ATRN: variants seen among roughly 807,000 people sequenced by gnomAD.
The protein encoded by ATRN is attractin-2.
A neutral mutation model predicts 178.7 loss-of-function variants in ATRN; 54 were observed. That is an observed-to-expected ratio of 0.30 (90% CI 0.24 to 0.38). The LOEUF is 0.38. ATRN is among the 10% of genes least tolerant of loss of function. The probability of loss-of-function intolerance (pLI) is 1.00; values close to 1 mark genes in which losing one functional copy is unlikely to be tolerated. For missense variants in ATRN, 1,443 were observed against 1,815.1 expected (o/e 0.79, Z 3.73); for synonymous variants, 636 against 663.0 (o/e 0.96, Z 0.63).
At chr20:3,567,291 C>T (rs2086050186) in intron 11 of ATRN, among the ~76,000 whole-genome samples, 1 of 152,144 alleles carries the variant, frequency 6.6e-6, no homozygotes, top group Non-Finnish European at 1.5e-5. Flanking sequence ...TCCTAGTTCT[C>T]CTAGCACAGG....
At chr20:3,528,675 C>T (rs1162833652) in intron 1 of ATRN, among the ~76,000 whole-genome samples, 1 of 151,946 alleles carries the variant, frequency 6.6e-6, no homozygotes, top group Non-Finnish European at 1.5e-5. Flanking sequence ...ATCTGTACAT[C>T]AAACCCCTGT....
chr20:3,605,080 G>A (rs772997555), intron 24 of ATRN, among the ~76,000 whole-genome samples: 2 of 152,166 alleles, frequency 1.3e-5, no homozygotes, highest in South Asian at 2.1e-4. Context: ...GTCACTGGAC[G>A]GAGGCTGTTG....
At chr20:3,582,923 G>A (rs546779460) in intron 16 of ATRN, among the ~76,000 whole-genome samples, 32 of 152,236 alleles carry the variant, frequency 2.1e-4, no homozygotes, top group African/African-American at 7.5e-4. Flanking sequence ...GCTACATTTT[G>A]GCTAACTAAA....
In ATRN at chr20:3,647,109, AGGCC is replaced by A. The variant is rs2087113578; in HGVS notation, c.*263_*266del. 3.0e-6 allele frequency: 1 copy of A among 338,278 alleles called. No individual in the cohort carries two copies. Among genetic ancestry groups the A allele is most frequent in the African/African-American group, 2.1e-5 (1 of 47,476 alleles). 21.0% of individuals were successfully genotyped at this position (338,278 alleles called of 1,614,324 possible). A position where few individuals can be genotyped will look rare whatever the true frequency, so the allele number is the denominator to read the frequency against. The stretch of plus-strand genomic sequence containing the variant: ...GGGATGAGCTGATGGTTGCTGGAGG[AGGCC>A]AGTGTAGAGCCAGTGAGAGAACTAG... On this transcript the variant is annotated 3_prime_UTR_variant, in exon 29 of 29. Coordinates refer to ENST00000262919, the MANE Select transcript of ATRN (RefSeq NM_139321.3).
At position 3,624,648 on chromosome 20, in the gene ATRN, A is replaced by C; in HGVS notation, c.3863+76A>C. 20 of 1,163,376 alleles carry C rather than the reference A, an allele frequency of 1.7e-5. No individual in the cohort carries two copies. In the South Asian group the frequency reaches 2.4e-4, roughly 14 times the overall value. 72.1% of individuals were successfully genotyped at this position (1,163,376 alleles called of 1,614,324 possible). On this transcript the variant is annotated intron_variant, in intron 25 of 28. Coordinates refer to ENST00000262919, the MANE Select transcript of ATRN (RefSeq NM_139321.3). ...TCCATTAATAGAGTATCAGCTCCTAAAAGATAAAAAGAATAATCCTGTGTT... is the reference window on the plus strand; with the variant it reads ...TCCATTAATAGAGTATCAGCTCCTACAAGATAAAAAGAATAATCCTGTGTT...
chr20:3,527,798 T>C (rs898298780), intron 1 of ATRN, among the ~76,000 whole-genome samples: 3 of 152,032 alleles, frequency 2.0e-5, no homozygotes, highest in Admixed American at 6.6e-5. Context: ...GAAACCACCA[T>C]TCTCAGCAAA....
rs182661433 is a variant in ATRN, at chr20:3,523,981, A to G, written c.411-11272A>G. 7.1e-4 allele frequency among the ~76,000 whole-genome samples: 108 copies of G among 152,362 alleles called. No individual in the cohort carries two copies. The East Asian group carries it at 0.015, about 21-fold the overall frequency. ...AAAAACATACCAAATTGTAAAGACC[A>G]TTGACACTATGAAGAAACTGCATCA... On this transcript the variant is annotated intron_variant, in intron 1 of 28. Coordinates refer to ENST00000262919, the MANE Select transcript of ATRN (RefSeq NM_139321.3).
intron 25 of ATRN, among the ~76,000 whole-genome samples, chr20:3,628,549 C>G (rs1432878263): frequency 6.6e-6 from 1 of 152,162 alleles, no homozygotes; most frequent in African/African-American, 2.4e-5. Context: ...GGATAGGAAT[C>G]ATCCCTTGGT....
At chr20:3,596,937 T>C (rs1054060709) in intron 21 of ATRN, among the ~76,000 whole-genome samples, 6 of 151,854 alleles carry the variant, frequency 4.0e-5, no homozygotes, top group Admixed American at 3.9e-4. Context: ...TAGACCAGAG[T>C]ACGGGACCAG....
rs138054093 is a variant in ATRN, at chr20:3,587,724, C to A, written c.3184+2844C>A. ...AGCTATTCTGGGTTTCTTGCATGTTCATATTAATTTTAGGATGAGCTTGCC... is the reference window on the plus strand; with the variant it reads ...AGCTATTCTGGGTTTCTTGCATGTTAATATTAATTTTAGGATGAGCTTGCC... On this transcript the variant is annotated intron_variant, in intron 18 of 28. Coordinates refer to ENST00000262919, the MANE Select transcript of ATRN (RefSeq NM_139321.3). Among the ~76,000 whole-genome samples the A allele has an allele frequency of 1.6e-4, 25 of 152,210 alleles. 1 individual carries two copies. In the East Asian group the frequency reaches 4.8e-3, roughly 29 times the overall value.
intron 28 of ATRN, among the ~76,000 whole-genome samples, 190 bp from the exon 29 acceptor site, chr20:3,646,533 C>CGGAG (rs1422499503): frequency 6.6e-6 from 1 of 152,052 alleles, no homozygotes; most frequent in Non-Finnish European, 1.5e-5. Flanking sequence ...GAGGGGAAGG[C>CGGAG]GGAGGGAGGG....
intron 1 of ATRN, among the ~76,000 whole-genome samples, chr20:3,485,243 T>C (rs867514061): frequency 6.6e-6 from 1 of 152,166 alleles, no homozygotes; most frequent in Non-Finnish European, 1.5e-5. Flanking sequence ...GATTCTCCTG[T>C]TCCCCATGTT....
rs138380744 is a variant in ATRN at position 3,475,817 on chromosome 20, C to G, written c.410+4300C>G. On this transcript the variant is annotated intron_variant, in intron 1 of 28. Transcript: ENST00000262919. The stretch of plus-strand genomic sequence containing the variant: ...GAAAAAAAAAGAAAGGAACTAAGCA[C>G]TTATCAGACATCTGTTTTGTGCCCA... Among the ~76,000 whole-genome samples, 523 of 152,290 alleles carry G rather than the reference C, an allele frequency of 3.4e-3. 3 individuals are homozygous for G. The highest frequency in any genetic ancestry group is 0.012 in the African/African-American group (481 of 41,568).
intron 1 of ATRN, among the ~76,000 whole-genome samples, chr20:3,520,902 G>T (rs142523278): frequency 3.3e-5 from 5 of 152,152 alleles, no homozygotes; most frequent in Non-Finnish European, 7.3e-5. Flanking sequence ...TAATATTTAG[G>T]TCATCTACTA....
intron 27 of ATRN, among the ~76,000 whole-genome samples, chr20:3,639,521 G>T: frequency 6.6e-6 from 1 of 151,944 alleles, no homozygotes; most frequent in Non-Finnish European, 1.5e-5. Flanking sequence ...CCAAAGTGCT[G>T]GGATTACAGG....
chr20:3,514,615 A>T (rs2085181304), intron 1 of ATRN, among the ~76,000 whole-genome samples: 1 of 152,214 alleles, frequency 6.6e-6, no homozygotes, highest in African/African-American at 2.4e-5. Flanking sequence ...AATTTTAAAA[A>T]ATAGAATTCA....
At chr20:3,578,233 A>G (rs539401414) in intron 14 of ATRN, among the ~76,000 whole-genome samples, 15 of 152,322 alleles carry the variant, frequency 9.8e-5, no homozygotes, top group Middle Eastern at 3.4e-3. Context: ...TCCAATATGC[A>G]TATTCATTTG....
At chr20:3,617,455 AG>A (rs2086859500) in intron 24 of ATRN, among the ~76,000 whole-genome samples, 1 of 152,182 alleles carries the variant, frequency 6.6e-6, no homozygotes, top group South Asian at 2.1e-4. Context: ...AATTTACTAA[AG>A]CAGGATGATG....
intron 1 of ATRN, among the ~76,000 whole-genome samples, chr20:3,472,107 A>G (rs1035171696): frequency 2.6e-5 from 4 of 152,220 alleles, no homozygotes; most frequent in African/African-American, 9.6e-5. Flanking sequence ...TGGAGGTGGC[A>G]AATTGGAATA....
Sources: allele counts gnomAD v4.1 joint callset (sites outside exome capture counted in the v4.1 genomes callset), GRCh38; gene constraint gnomAD v4.1.1; transcripts MANE v1.5; gene names NCBI Gene and HGNC (gene_info 2026-07-23, HGNC 2026-07-21).